The following WWP1 variants were observed in gnomAD, a reference collection of about 807,000 sequenced individuals.
WWP1 encodes NEDD4-like E3 ubiquitin-protein ligase WWP1.
Under a neutral mutation model 130.6 loss-of-function variants are expected in WWP1, and 49 were observed. The ratio of observed to expected loss-of-function variants is 0.38; its 90% CI spans 0.30 to 0.48. The LOEUF (loss-of-function observed/expected upper bound fraction) is 0.48, where lower values mean the gene tolerates loss of function less well. Among genes scored for constraint, WWP1 ranks in the 20% least tolerant of loss-of-function variants. The probability of loss-of-function intolerance (pLI) is 0.99; values close to 1 mark genes in which losing one functional copy is unlikely to be tolerated. For missense variants in WWP1, 809 were observed against 1,100.6 expected (o/e 0.74, Z 3.75); for synonymous variants, 332 against 367.8 (o/e 0.90, Z 1.11).
chr8:86,384,932 G>A (rs1825192247), intron 5 of WWP1, among the ~76,000 whole-genome samples: 1 of 152,072 alleles, frequency 6.6e-6, no homozygotes, highest in Admixed American at 6.5e-5. Flanking sequence ...GCTGAGGTGG[G>A]AGGATCGCTT....
chr8:86,426,587 G>A (rs562405564), intron 10 of WWP1, among the ~76,000 whole-genome samples: 1 of 152,270 alleles, frequency 6.6e-6, no homozygotes, highest in South Asian at 2.1e-4. Context: ...CCAGCAAATA[G>A]TTGGTTAGAC....
chr8:86,438,659 T>C lies in WWP1; in HGVS notation c.1824T>C (p.Tyr608=). 6.2e-7 allele frequency: 1 copy of C among 1,608,198 alleles called. No individual in the cohort carries two copies. The highest frequency in any genetic ancestry group is 8.5e-7 in the Non-Finnish European group (1 of 1,178,406). ...VIFRGEEGLD[Y]GGLAREWFFL... ...TTAGAGGAGAAGAAGGACTTGATTA[T>C]GGTGGCCTAGCGAGGTAAAATAAAA... Residue 608 remains tyrosine (Y), a synonymous_variant, in exon 17 of 25, where the codon TAT becomes TAC. Transcript: ENST00000517970.
chr8:86,357,612 G>A (rs1345221485), intron 1 of WWP1, among the ~76,000 whole-genome samples: 1 of 152,152 alleles, frequency 6.6e-6, no homozygotes, highest in Non-Finnish European at 1.5e-5. Flanking sequence ...ACTTGCCCTG[G>A]CATTCTTGGA....
intron 22 of WWP1, among the ~76,000 whole-genome samples, chr8:86,460,164 G>A (rs1586514402): frequency 6.6e-6 from 1 of 152,328 alleles, no homozygotes; most frequent in Non-Finnish European, 1.5e-5. Flanking sequence ...GATAATTTTA[G>A]AGGAATGTGT....
At chr8:86,409,029 A>T (rs866510190) in intron 8 of WWP1, among the ~76,000 whole-genome samples, 13 of 151,510 alleles carry the variant, frequency 8.6e-5, no homozygotes, top group South Asian at 4.1e-4. Flanking sequence ...TGGGGTTTTT[A>T]AAAAAATTTT....
At chr8:86,426,668 T>C (rs1023205698) in intron 10 of WWP1, among the ~76,000 whole-genome samples, 1 of 152,202 alleles carries the variant, frequency 6.6e-6, no homozygotes, top group Non-Finnish European at 1.5e-5. Flanking sequence ...TTTTATGCCA[T>C]GCCAGTGAGC....
chr8:86,417,765 A>G (rs1808970498), intron 9 of WWP1, among the ~76,000 whole-genome samples: 1 of 152,236 alleles, frequency 6.6e-6, no homozygotes, highest in South Asian at 2.1e-4. Context: ...TATTTAAGTC[A>G]TATAGAAATA....
chr8:86,381,446 T>G, intron 4 of WWP1, 59 bp from the exon 5 acceptor site: 2 of 1,542,340 alleles, frequency 1.3e-6, no homozygotes, highest in Non-Finnish European at 1.7e-6. Flanking sequence ...GAATTGTTAC[T>G]TATTAATAGA....
At chr8:86,453,144 C>T (rs147026965) in intron 21 of WWP1, among the ~76,000 whole-genome samples, 3 of 152,186 alleles carry the variant, frequency 2.0e-5, no homozygotes, top group East Asian at 3.9e-4. Context: ...CATCCAATCT[C>T]CAGAAATTTT....
intron 23 of WWP1, 109 bp downstream of exon 23, chr8:86,461,429 G>A: frequency 1.1e-6 from 1 of 948,246 alleles, no homozygotes; most frequent in East Asian, 2.5e-5. Context: ...CTGTGCTGTA[G>A]GTAGGGCTTC....
Position 86,342,680 on chromosome 8 carries a change from T to G in WWP1, c.-365T>G. On this transcript the variant is annotated 5_prime_UTR_variant, in exon 1 of 25. Coordinates refer to ENST00000517970, the MANE Select transcript of WWP1 (RefSeq NM_007013.4). Reference sequence around the variant, plus strand: ...GGCGCGCTCCCGAGGAAGGGAGGTGTGGGGTCGGCTGGGGGTGGCGCGTGG... The same window carrying G: ...GGCGCGCTCCCGAGGAAGGGAGGTGGGGGGTCGGCTGGGGGTGGCGCGTGG... The G allele has an allele frequency of 8.6e-5, 14 of 162,244 alleles. No individual in the cohort carries two copies. Among genetic ancestry groups the G allele is most frequent in the Admixed American group, 1.7e-4 (1 of 5,850 alleles). The allele number at this position is 162,244 out of a possible 1,614,324, so 10.1% of individuals were successfully genotyped here. A position where few individuals can be genotyped will look rare whatever the true frequency, so the allele number is the denominator to read the frequency against.
intron 14 of WWP1, among the ~76,000 whole-genome samples, chr8:86,434,827 T>C (rs186237748): frequency 1.2e-4 from 18 of 152,314 alleles, no homozygotes; most frequent in African/African-American, 4.3e-4. Context: ...ATTTTTCATC[T>C]GTTCCAAAGT....
chr8:86,408,649 C>T (rs193251531), intron 8 of WWP1, among the ~76,000 whole-genome samples: 15 of 152,340 alleles, frequency 9.8e-5, no homozygotes, highest in African/African-American at 2.4e-4. Flanking sequence ...TGTGCAGTGG[C>T]TTACGCCTGT....
intron 17 of WWP1, among the ~76,000 whole-genome samples, chr8:86,441,780 G>A (rs75018220): frequency 0.02 from 3,066 of 152,342 alleles, 50 homozygotes; most frequent in Middle Eastern, 0.065. Context: ...TGGCTAAGCA[G>A]AGAATGTGAG....
At chr8:86,344,637 G>A (rs912441394) in intron 1 of WWP1, among the ~76,000 whole-genome samples, 1 of 152,200 alleles carries the variant, frequency 6.6e-6, no homozygotes, top group Non-Finnish European at 1.5e-5. Flanking sequence ...GTAGAGCTCA[G>A]ATCTTACTTG....
intron 12 of WWP1, among the ~76,000 whole-genome samples, chr8:86,431,140 GA>G (rs1809945211): frequency 8.4e-6 from 1 of 119,516 alleles, no homozygotes; most frequent in African/African-American, 3.0e-5. Flanking sequence ...ATATATTAAA[GA>G]ATTATATATT....
At chr8:86,346,180 T>C (rs1216581000) in intron 1 of WWP1, among the ~76,000 whole-genome samples, 1 of 152,184 alleles carries the variant, frequency 6.6e-6, no homozygotes, top group Non-Finnish European at 1.5e-5. Context: ...GAGGGATGAA[T>C]TGGGTAGAGA....
chr8:86,376,976 A>G lies in WWP1; in HGVS notation c.70+2856A>G, dbSNP rs894159486. ...TACTACTCCTGATTTGTCAGTGAGGACACTGAGAATCAGAGGGATTAAGTG... is the reference window on the plus strand; with the variant it reads ...TACTACTCCTGATTTGTCAGTGAGGGCACTGAGAATCAGAGGGATTAAGTG... On this transcript the variant is annotated intron_variant, in intron 3 of 24. Coordinates refer to ENST00000517970, the MANE Select transcript of WWP1 (RefSeq NM_007013.4). Among the ~76,000 whole-genome samples, 8 of 152,230 alleles carry G rather than the reference A, an allele frequency of 5.3e-5. No homozygotes were observed. In the East Asian group the frequency reaches 9.6e-4, roughly 18 times the overall value.
intron 5 of WWP1, among the ~76,000 whole-genome samples, chr8:86,391,432 C>G (rs533645292): frequency 6.6e-6 from 1 of 152,052 alleles, no homozygotes; most frequent in Non-Finnish European, 1.5e-5. Context: ...GCTTTCTTTC[C>G]CTTATGTCAC....
Sources: allele counts gnomAD v4.1 joint callset (sites outside exome capture counted in the v4.1 genomes callset), GRCh38; gene constraint gnomAD v4.1.1; transcripts MANE v1.5; gene names NCBI Gene and HGNC (gene_info 2026-07-23, HGNC 2026-07-21).